The following CAB39L variants were observed in gnomAD, a reference collection of about 807,000 sequenced individuals.
CAB39L encodes calcium binding protein 39 like.
A neutral mutation model predicts 39.1 loss-of-function variants in CAB39L; 23 were observed. The ratio of observed to expected loss-of-function variants is 0.59; its 90% CI spans 0.42 to 0.83. The LOEUF is 0.83. Among genes scored for constraint, CAB39L ranks in the 40% least tolerant of loss-of-function variants. The pLI is 0.00. For synonymous variants in CAB39L, 126 were observed against 137.2 expected (o/e 0.92, Z 0.57); for missense variants, 366 against 391.9 (o/e 0.93, Z 0.56).
At chr13:49,382,229 T>C (rs1163136359) in intron 4 of CAB39L, among the ~76,000 whole-genome samples, 1 of 152,208 alleles carries the variant, frequency 6.6e-6, no homozygotes, top group Non-Finnish European at 1.5e-5. Context: ...CAAAGTGTAC[T>C]AGAATTAGAA....
At chr13:49,364,935 G>GA (rs574471174) in intron 5 of CAB39L, among the ~76,000 whole-genome samples, 148 of 152,206 alleles carry the variant, frequency 9.7e-4, no homozygotes, top group African/African-American at 3.5e-3. Flanking sequence ...CATCGAAATA[G>GA]AAAAAACCAT....
At chr13:49,395,987 A>G (rs1956610976) in intron 3 of CAB39L, among the ~76,000 whole-genome samples, 1 of 151,776 alleles carries the variant, frequency 6.6e-6, no homozygotes, top group South Asian at 2.1e-4. Context: ...ATTTGAGGCC[A>G]GGTGCGGTAG....
chr13:49,349,267 C>T (rs976907058), intron 7 of CAB39L, among the ~76,000 whole-genome samples: 3 of 150,950 alleles, frequency 2.0e-5, no homozygotes, highest in Non-Finnish European at 4.4e-5. Flanking sequence ...TGGACTATAT[C>T]GATATTATTG....
intron 7 of CAB39L, among the ~76,000 whole-genome samples, chr13:49,346,112 T>TATATATATATATATGCTAG (rs1786532645): frequency 1.8e-5 from 1 of 54,838 alleles, no homozygotes; most frequent in Non-Finnish European, 3.6e-5. Context: ...TATATATATA[T>TATATATATATATATGCTAG]ATATATATAT....
intron 5 of CAB39L, among the ~76,000 whole-genome samples, chr13:49,361,293 T>G (rs1955621473): frequency 6.6e-6 from 1 of 151,678 alleles, no homozygotes; most frequent in African/African-American, 2.4e-5. Context: ...GCCTGGCCAA[T>G]ATGGTGAAAC....
At chr13:49,321,053 C>G (rs1448155352) in intron 10 of CAB39L, among the ~76,000 whole-genome samples, 2 of 152,206 alleles carry the variant, frequency 1.3e-5, no homozygotes, top group African/African-American at 4.8e-5. Context: ...CTCCTCCTCA[C>G]TGCCACCATT....
At chr13:49,403,439 T>A (rs1302083071) in intron 3 of CAB39L, among the ~76,000 whole-genome samples, 1 of 151,818 alleles carries the variant, frequency 6.6e-6, no homozygotes, top group African/African-American at 2.4e-5. Flanking sequence ...ATATCTGACA[T>A]CCAGTCAAAA....
intron 10 of CAB39L, among the ~76,000 whole-genome samples, chr13:49,328,689 T>C (rs754070964): frequency 3.3e-4 from 50 of 152,032 alleles, no homozygotes; most frequent in Non-Finnish European, 5.7e-4. Flanking sequence ...ATAGAATTAG[T>C]TGGGCATGGT....
At chr13:49,391,367 T>A (rs1185780677) in intron 3 of CAB39L, among the ~76,000 whole-genome samples, 5 of 152,026 alleles carry the variant, frequency 3.3e-5, no homozygotes, top group African/African-American at 9.7e-5. Context: ...AGAAAACAGT[T>A]GAAAAGTAAG....
At chr13:49,329,534 TAAAAAAA>T (rs777940622) in intron 10 of CAB39L, among the ~76,000 whole-genome samples, 1 of 17,408 alleles carries the variant, frequency 5.7e-5, no homozygotes, top group African/African-American at 4.3e-4. Context: ...TCTCTTCAAT[TAAAAAAA>T]AAAATATATA....
intron 3 of CAB39L, among the ~76,000 whole-genome samples, chr13:49,403,938 G>A (rs1358343797): frequency 6.6e-6 from 1 of 152,102 alleles, no homozygotes; most frequent in Non-Finnish European, 1.5e-5. Context: ...AAATAAAAAT[G>A]AACAGAGAAT....
chr13:49,404,603 C>A (rs901297091), intron 3 of CAB39L, among the ~76,000 whole-genome samples: 3 of 152,108 alleles, frequency 2.0e-5, no homozygotes, highest in African/African-American at 4.8e-5. Context: ...AACCAGTGAC[C>A]AATTCTGGAA....
chr13:49,346,100 G>GATAGATATATATATATATATAT (rs1955155415), intron 7 of CAB39L, among the ~76,000 whole-genome samples: 3 of 30,946 alleles, frequency 9.7e-5, no homozygotes, highest in Non-Finnish European at 1.7e-4. Context: ...ATATATGCTA[G>GATAGATATATATATATATATAT]ATATATATAT....
intron 7 of CAB39L, among the ~76,000 whole-genome samples, chr13:49,344,953 C>T (rs975008263): frequency 3.3e-5 from 5 of 152,146 alleles, no homozygotes; most frequent in Non-Finnish European, 7.3e-5. Context: ...ATGAGTAGCC[C>T]TATCTTATGG....
chr13:49,329,544 AAT>A (rs1179579885), intron 10 of CAB39L, among the ~76,000 whole-genome samples: 128 of 33,772 alleles, frequency 3.8e-3, no homozygotes, highest in Middle Eastern at 0.013. Context: ...TAAAAAAAAA[AAT>A]ATATATATAT....
intron 3 of CAB39L, among the ~76,000 whole-genome samples, chr13:49,402,508 C>T (rs1956796068): frequency 6.6e-6 from 1 of 152,130 alleles, no homozygotes; most frequent in African/African-American, 2.4e-5. Flanking sequence ...CCCACTATGT[C>T]CCCAGTCAAA....
chr13:49,419,614 A>G (rs1957141233), intron 3 of CAB39L, among the ~76,000 whole-genome samples: 1 of 152,210 alleles, frequency 6.6e-6, no homozygotes, highest in Non-Finnish European at 1.5e-5. Flanking sequence ...ATGAAATTCA[A>G]AATGTAAAAT....
At chr13:49,389,438 C>T (rs1476811675) in intron 3 of CAB39L, among the ~76,000 whole-genome samples, 3 of 152,048 alleles carry the variant, frequency 2.0e-5, no homozygotes, top group Admixed American at 1.3e-4. Flanking sequence ...TCCAGGAGTT[C>T]GAGACCAGCA....
At chr13:49,369,760 G>T (rs1955865860) in intron 5 of CAB39L, among the ~76,000 whole-genome samples, 1 of 151,952 alleles carries the variant, frequency 6.6e-6, no homozygotes, top group Non-Finnish European at 1.5e-5. Flanking sequence ...GCTAATTTTT[G>T]TATTTTTAGT....
Sources: gnomAD v4.1 joint callset for allele counts (sites outside exome capture counted in the v4.1 genomes callset) on GRCh38, gnomAD v4.1.1 for gene constraint, MANE v1.5 for transcripts, NCBI Gene and HGNC (gene_info 2026-07-23, HGNC 2026-07-21) for gene names.